PLCL2: variants seen among roughly 807,000 people sequenced by gnomAD.
The protein encoded by PLCL2 is phospholipase C like 2.
Under a neutral mutation model 79.6 loss-of-function variants are expected in PLCL2, and 4 were observed. The ratio of observed to expected loss-of-function variants is 0.05; its 90% CI spans 0.02 to 0.11. The LOEUF (loss-of-function observed/expected upper bound fraction) is 0.11. Ranked by LOEUF, PLCL2 falls within the 10% of genes least tolerant of loss-of-function variation. PLCL2 has a pLI of 1.00. For missense variants in PLCL2, 895 were observed against 1,291.0 expected, an observed-to-expected ratio of 0.69 and a Z score of 4.70; for synonymous variants, 484 against 457.7, an observed-to-expected ratio of 1.06 and a Z score of -0.73.
chr3:16,950,396 A>T (rs2063639687), intron 1 of PLCL2, among the ~76,000 whole-genome samples: 1 of 152,048 alleles, frequency 6.6e-6, no homozygotes, highest in Admixed American at 6.6e-5. Flanking sequence ...AGTTTTTTAA[A>T]TTGGTGTATT....
intron 4 of PLCL2, among the ~76,000 whole-genome samples, chr3:17,067,492 G>T (rs976454432): frequency 1.3e-5 from 2 of 152,106 alleles, no homozygotes; most frequent in African/African-American, 4.8e-5. Context: ...TGTGGGCTTG[G>T]TCTCTGACCT....
intron 1 of PLCL2, among the ~76,000 whole-genome samples, chr3:16,947,045 C>G (rs2063608195): frequency 6.7e-6 from 1 of 148,150 alleles, no homozygotes; most frequent in African/African-American, 2.5e-5. Context: ...AGCCTCGACC[C>G]CCTGGGCTCA....
intron 1 of PLCL2, among the ~76,000 whole-genome samples, chr3:16,945,638 T>G (rs535288742): frequency 5.6e-4 from 86 of 152,344 alleles, no homozygotes; most frequent in African/African-American, 1.8e-3. Context: ...AAGTCCTTGA[T>G]CAGAAACAAT....
Position 17,090,388 on chromosome 3 carries a change from T to A in PLCL2, c.*476T>A. 1 of 382,938 alleles carries A rather than the reference T, an allele frequency of 2.6e-6. No individual in the cohort carries two copies. The highest frequency in any genetic ancestry group is 3.6e-6 in the Non-Finnish European group (1 of 279,378). 23.7% of individuals were successfully genotyped at this position (382,938 alleles called of 1,614,324 possible). A position where few individuals can be genotyped will look rare whatever the true frequency, so the allele number is the denominator to read the frequency against. On this transcript the variant is annotated 3_prime_UTR_variant, in exon 6 of 6. Coordinates refer to ENST00000615277, the MANE Select transcript of PLCL2 (RefSeq NM_001144382.2). ...TGAGCCATAATTACTAAAGAGAATG[T>A]AAGTGGACGGGTTCCCTGAATCCCC...
chr3:16,995,726 C>T (rs1210728422), intron 1 of PLCL2, among the ~76,000 whole-genome samples: 2 of 152,176 alleles, frequency 1.3e-5, no homozygotes, highest in African/African-American at 2.4e-5. Context: ...GTATAATCTG[C>T]TCTTTTTTGT....
intron 1 of PLCL2, among the ~76,000 whole-genome samples, chr3:16,911,033 A>T (rs956831989): frequency 1.3e-5 from 2 of 152,146 alleles, no homozygotes; most frequent in African/African-American, 4.8e-5. Context: ...TGGGTGGATC[A>T]CTTGAGGCCA....
chr3:17,079,102 C>A (rs145667612), intron 5 of PLCL2, among the ~76,000 whole-genome samples: 1 of 152,242 alleles, frequency 6.6e-6, no homozygotes, highest in African/African-American at 2.4e-5. Context: ...AGATTAATAG[C>A]GCGAAGGAGG....
chr3:17,014,189 A>C (rs60250440), intron 2 of PLCL2, among the ~76,000 whole-genome samples: 4,384 of 152,330 alleles, frequency 0.029, 234 homozygotes, highest in African/African-American at 0.1. Flanking sequence ...GGCAGACTCA[A>C]CAGAGAACAG....
chr3:16,988,554 C>T (rs1034277553), intron 1 of PLCL2, among the ~76,000 whole-genome samples: 14 of 152,152 alleles, frequency 9.2e-5, no homozygotes, highest in Middle Eastern at 3.4e-3. Flanking sequence ...ACAGTGGCAT[C>T]GGTTGTCAAA....
intron 5 of PLCL2, among the ~76,000 whole-genome samples, chr3:17,086,572 A>G (rs530846173): frequency 6.6e-6 from 1 of 152,376 alleles, no homozygotes; most frequent in African/African-American, 2.4e-5. Context: ...TAAAGGAAGA[A>G]TGGGTAAGTT....
intron 5 of PLCL2, among the ~76,000 whole-genome samples, chr3:17,080,544 G>A (rs1267511217): frequency 2.6e-5 from 4 of 151,962 alleles, no homozygotes; most frequent in African/African-American, 4.8e-5. Context: ...TCCACCTCCC[G>A]GGTTCAAGTG....
chr3:16,967,900 T>A (rs1003792356), intron 1 of PLCL2, among the ~76,000 whole-genome samples: 1 of 152,168 alleles, frequency 6.6e-6, no homozygotes, highest in Non-Finnish European at 1.5e-5. Context: ...TTTTAGGTTT[T>A]ACATTTAAGT....
intron 1 of PLCL2, among the ~76,000 whole-genome samples, chr3:16,948,233 C>G (rs1187063966): frequency 6.6e-6 from 1 of 152,054 alleles, no homozygotes; most frequent in Non-Finnish European, 1.5e-5. Context: ...ACCTTGAAAA[C>G]ATTATGCTAA....
chr3:17,083,867 C>T (rs767321567), intron 5 of PLCL2, among the ~76,000 whole-genome samples: 1 of 152,106 alleles, frequency 6.6e-6, no homozygotes, highest in Non-Finnish European at 1.5e-5. Flanking sequence ...AGAAACTCAA[C>T]TGGACATGTG....
intron 4 of PLCL2, among the ~76,000 whole-genome samples, chr3:17,043,749 T>C (rs2124921667): frequency 6.6e-6 from 1 of 152,268 alleles, no homozygotes; most frequent in South Asian, 2.1e-4. Context: ...TTGTTTAAAA[T>C]AGATTGAAGA....
At chr3:17,041,552 A>G (rs566048195) in intron 3 of PLCL2, among the ~76,000 whole-genome samples, 1 of 152,338 alleles carries the variant, frequency 6.6e-6, no homozygotes, top group South Asian at 2.1e-4. Flanking sequence ...AACTTACCAA[A>G]AATATGGTGG....
chr3:17,008,597 G>A (rs2124885184), intron 1 of PLCL2, among the ~76,000 whole-genome samples: 1 of 152,106 alleles, frequency 6.6e-6, no homozygotes, highest in East Asian at 1.9e-4. Flanking sequence ...TGATTCTGAG[G>A]CAGGTGGTCT....
chr3:17,017,580 T>A (rs546339869), intron 3 of PLCL2, among the ~76,000 whole-genome samples: 1 of 152,316 alleles, frequency 6.6e-6, no homozygotes, highest in South Asian at 2.1e-4. Context: ...AATGTTATGT[T>A]GAGCTTGCCC....
chr3:17,031,181 G>GT (rs1332900363), intron 3 of PLCL2, among the ~76,000 whole-genome samples: 5 of 152,102 alleles, frequency 3.3e-5, no homozygotes, highest in African/African-American at 9.7e-5. Context: ...ATTCTCATCA[G>GT]TTTTTTGGAG....
Sources: gnomAD v4.1 joint callset for allele counts (sites outside exome capture counted in the v4.1 genomes callset) on GRCh38, gnomAD v4.1.1 for gene constraint, MANE v1.5 for transcripts, NCBI Gene and HGNC (gene_info 2026-07-23, HGNC 2026-07-21) for gene names.